The following NELL1 variants were observed in gnomAD, a reference collection of about 807,000 sequenced individuals.
The protein encoded by NELL1 is protein kinase C-binding protein NELL1.
In NELL1, 76 loss-of-function variants were observed where a neutral mutation model predicts 107.4. That is an observed-to-expected ratio of 0.71 (90% confidence interval 0.59 to 0.86). The LOEUF is 0.86. Ranked by LOEUF, NELL1 falls within the 40% of genes least tolerant of loss-of-function variation. NELL1 has a pLI of 0.00. For missense variants in NELL1, 1,024 were observed against 1,005.5 expected (o/e 1.02, Z -0.25); for synonymous variants, 353 against 341.2 (o/e 1.03, Z -0.38).
chr11:20,859,822 T>A (rs1467368023), intron 4 of NELL1, among the ~76,000 whole-genome samples: 1 of 152,100 alleles, frequency 6.6e-6, no homozygotes, highest in Non-Finnish European at 1.5e-5. Flanking sequence ...GGCGAACATA[T>A]TGAATTCTGA....
chr11:21,465,860 T>C (rs147612598), intron 15 of NELL1, among the ~76,000 whole-genome samples: 5 of 152,056 alleles, frequency 3.3e-5, no homozygotes, highest in Admixed American at 6.6e-5. Flanking sequence ...GTAACTTACT[T>C]GAACATTAAA....
intron 12 of NELL1, among the ~76,000 whole-genome samples, chr11:21,001,751 G>A (rs1852226660): frequency 6.6e-6 from 1 of 151,456 alleles, no homozygotes; most frequent in Non-Finnish European, 1.5e-5. Flanking sequence ...CATTGGAAGG[G>A]GGAGAGGTGG....
At chr11:21,040,396 T>C (rs1337238659) in intron 12 of NELL1, among the ~76,000 whole-genome samples, 1 of 152,166 alleles carries the variant, frequency 6.6e-6, no homozygotes, top group African/African-American at 2.4e-5. Flanking sequence ...TTTGAGGAAA[T>C]TGCTGTATTA....
At chr11:20,926,758 T>G (rs1271703266) in intron 7 of NELL1, among the ~76,000 whole-genome samples, 1 of 152,204 alleles carries the variant, frequency 6.6e-6, no homozygotes, top group African/African-American at 2.4e-5. Flanking sequence ...AGCACAAAAG[T>G]GAATTCCTGG....
At chr11:20,975,229 T>C (rs1400464205) in intron 12 of NELL1, among the ~76,000 whole-genome samples, 3 of 152,056 alleles carry the variant, frequency 2.0e-5, no homozygotes, top group Non-Finnish European at 4.4e-5. Context: ...TTGGTCAGGC[T>C]GGTCTCGAAC....
intron 15 of NELL1, among the ~76,000 whole-genome samples, chr11:21,513,991 T>G (rs1855499446): frequency 6.6e-6 from 1 of 152,286 alleles, no homozygotes; most frequent in South Asian, 2.1e-4. Flanking sequence ...ATTGAAATAT[T>G]AGCATTTCCA....
chr11:20,715,983 C>A (rs1855241036), intron 2 of NELL1, among the ~76,000 whole-genome samples: 1 of 152,214 alleles, frequency 6.6e-6, no homozygotes, highest in Admixed American at 6.5e-5. Context: ...CATATTGGGG[C>A]TAAATTATTT....
intron 10 of NELL1, among the ~76,000 whole-genome samples, chr11:20,943,132 A>C (rs1850891112): frequency 6.6e-6 from 1 of 151,644 alleles, no homozygotes; most frequent in African/African-American, 2.4e-5. Context: ...GTGTGTGTGC[A>C]TGTGTGAGTG....
At chr11:20,998,036 A>G (rs1230716452) in intron 12 of NELL1, among the ~76,000 whole-genome samples, 1 of 152,230 alleles carries the variant, frequency 6.6e-6, no homozygotes, top group African/African-American at 2.4e-5. Flanking sequence ...CCTATGGACA[A>G]GCCCACAAGC....
chr11:20,813,002 G>A (rs1191662311), intron 3 of NELL1, among the ~76,000 whole-genome samples: 4 of 83,556 alleles, frequency 4.8e-5, no homozygotes, highest in African/African-American at 1.7e-4. Context: ...GCGAGACTCC[G>A]TCTCAAAAAA....
chr11:20,713,156 A>G (rs185228791), intron 2 of NELL1, among the ~76,000 whole-genome samples: 257 of 152,252 alleles, frequency 1.7e-3, no homozygotes, highest in Non-Finnish European at 3.0e-3. Context: ...GGGGGATATA[A>G]GCTTGCCCTA....
At chr11:21,064,612 G>A (rs565037874) in intron 12 of NELL1, among the ~76,000 whole-genome samples, 74 of 152,178 alleles carry the variant, frequency 4.9e-4, no homozygotes, top group African/African-American at 1.7e-3. Flanking sequence ...TGAGTGGCCT[G>A]ATTATATTAG....
rs972216799 is a variant in NELL1 at position 21,048,250 on chromosome 11, A to T, written c.1301-65339A>T. 6.2e-4 allele frequency among the ~76,000 whole-genome samples: 94 copies of T among 151,952 alleles called. 1 individual carries two copies. Among genetic ancestry groups the T allele is most frequent in the Non-Finnish European group, 1.5e-4 (10 of 67,976 alleles). On this transcript the variant is annotated intron_variant, in intron 12 of 19. Transcript: ENST00000357134. ...AGCTTTTTTTGAAAATAATTGCTAG[A>T]TGTCTTTTCCCATTTATTGTACACT...
chr11:21,295,971 A>G (rs548157366), intron 14 of NELL1, among the ~76,000 whole-genome samples: 5 of 151,778 alleles, frequency 3.3e-5, no homozygotes, highest in African/African-American at 1.2e-4. Context: ...GAAGACTCTC[A>G]TATGGGCTCT....
chr11:21,168,673 A>G (rs1435592548), intron 13 of NELL1, among the ~76,000 whole-genome samples: 1 of 151,766 alleles, frequency 6.6e-6, no homozygotes, highest in Admixed American at 6.6e-5. Flanking sequence ...AATTTTCTTA[A>G]TCCTCCTAAA....
chr11:20,723,738 G>A (rs541430044), intron 2 of NELL1, among the ~76,000 whole-genome samples: 2 of 152,076 alleles, frequency 1.3e-5, no homozygotes, highest in African/African-American at 2.4e-5. Context: ...TCTGTGGGGG[G>A]GGGCTCCAAC....
At chr11:20,945,518 A>G (rs1053776434) in intron 10 of NELL1, among the ~76,000 whole-genome samples, 1 of 152,260 alleles carries the variant, frequency 6.6e-6, no homozygotes, top group Non-Finnish European at 1.5e-5. Flanking sequence ...AGGTGCGCAC[A>G]TAGAGCTGAC....
intron 10 of NELL1, 131 bp downstream of exon 10, chr11:20,937,990 G>C (rs942171201): frequency 1.7e-5 from 13 of 749,112 alleles, no homozygotes; most frequent in Non-Finnish European, 2.9e-5. Flanking sequence ...CTCTGCGGTG[G>C]GTTGGATTAC....
intron 15 of NELL1, among the ~76,000 whole-genome samples, chr11:21,395,216 T>C (rs77949354): frequency 0.012 from 1,848 of 151,616 alleles, 22 homozygotes; most frequent in East Asian, 0.065. Flanking sequence ...AAGAGCTGCC[T>C]GGGGTGACTG....
Sources: gnomAD v4.1 joint callset for allele counts (sites outside exome capture counted in the v4.1 genomes callset) on GRCh38, gnomAD v4.1.1 for gene constraint, MANE v1.5 for transcripts, NCBI Gene and HGNC (gene_info 2026-07-23, HGNC 2026-07-21) for gene names.